THADA: variants seen among roughly 807,000 people sequenced by gnomAD.
THADA encodes the protein THADA armadillo repeat containing.
In THADA, 213 loss-of-function variants were observed where a neutral mutation model predicts 219.8. The ratio of observed to expected loss-of-function variants is 0.97; its 90% CI spans 0.87 to 1.09. THADA has a LOEUF of 1.09. THADA is among the 50% of genes least tolerant of loss of function. The pLI is 0.00. For missense variants in THADA, 2,956 were observed against 2,311.3 expected (o/e 1.28, Z -5.72); for synonymous variants, 1,018 against 828.9 (o/e 1.23, Z -3.92).
chr2:43,237,950 C>T (rs1276495998), intron 36 of THADA, among the ~76,000 whole-genome samples: 5 of 150,040 alleles, frequency 3.3e-5, no homozygotes, highest in African/African-American at 9.8e-5. Flanking sequence ...GAAACCCTGT[C>T]TCTACTAAAA....
chr2:43,309,874 G>A lies in THADA; in HGVS notation c.4438+10572C>T, dbSNP rs151076434. On this transcript the variant is annotated intron_variant, in intron 31 of 37. Coordinates refer to ENST00000405975, the MANE Select transcript of THADA (RefSeq NM_022065.5). ...ATAAGTTTGTTCAGTAATGTTGCAG[G>A]ATAAAAGATCAATATACAAATATCA... 5.2e-3 allele frequency among the ~76,000 whole-genome samples: 795 copies of A among 152,222 alleles called. 6 individuals are homozygous for A. The highest frequency in any genetic ancestry group is 0.016 in the African/African-American group (667 of 41,528).
At chr2:43,551,576 C>T (rs1417987159) in intron 19 of THADA, among the ~76,000 whole-genome samples, 3 of 146,944 alleles carry the variant, frequency 2.0e-5, no homozygotes, top group African/African-American at 5.2e-5. Flanking sequence ...CGTGCTCATC[C>T]TCTGGTTTGG....
chr2:43,526,451 C>T (rs945368059), intron 22 of THADA, among the ~76,000 whole-genome samples: 2 of 152,202 alleles, frequency 1.3e-5, no homozygotes, highest in African/African-American at 4.8e-5. Context: ...AGCCTCTGAA[C>T]ATTTACTCAC....
chr2:43,316,902 G>C (rs900138394), intron 31 of THADA, among the ~76,000 whole-genome samples: 3 of 152,212 alleles, frequency 2.0e-5, no homozygotes, highest in Non-Finnish European at 4.4e-5. Flanking sequence ...ACTCCAGCTT[G>C]TGCAACAAGA....
At chr2:43,538,433 G>T (rs887485732) in intron 21 of THADA, 5 of 152,180 alleles carry the variant, frequency 3.3e-5, no homozygotes, top group African/African-American at 1.2e-4. Context: ...ACATGCCTCT[G>T]AATGAACACA....
intron 30 of THADA, among the ~76,000 whole-genome samples, chr2:43,326,190 G>A (rs1679313832): frequency 6.8e-6 from 1 of 148,118 alleles, no homozygotes; most frequent in Non-Finnish European, 1.5e-5. Flanking sequence ...AAAAACACTT[G>A]AAAGCCACTA....
chr2:43,557,393 T>C (rs969988371), intron 16 of THADA, among the ~76,000 whole-genome samples: 8 of 152,232 alleles, frequency 5.3e-5, no homozygotes, highest in Non-Finnish European at 1.2e-4. Context: ...ATGTTTCACC[T>C]GGGCATCATA....
chr2:43,402,524 C>T (rs942616899), intron 28 of THADA, among the ~76,000 whole-genome samples: 1 of 152,236 alleles, frequency 6.6e-6, no homozygotes, highest in Non-Finnish European at 1.5e-5. Context: ...AAGTGTTCTC[C>T]TCTCATATCT....
At chr2:43,387,804 C>T (rs1156243682) in intron 29 of THADA, among the ~76,000 whole-genome samples, 2 of 152,180 alleles carry the variant, frequency 1.3e-5, no homozygotes, top group African/African-American at 4.8e-5. Context: ...AGTGCCGAGG[C>T]TGAGAAGCCC....
intron 29 of THADA, among the ~76,000 whole-genome samples, chr2:43,369,797 T>C (rs1017536916): frequency 7.9e-5 from 12 of 152,220 alleles, no homozygotes; most frequent in African/African-American, 2.9e-4. Context: ...TGAAGACATA[T>C]AGCCAAATGA....
chr2:43,248,252 CGGA>C (rs1669463716), intron 36 of THADA, among the ~76,000 whole-genome samples: 1 of 121,158 alleles, frequency 8.3e-6, no homozygotes, highest in Non-Finnish European at 1.8e-5. Flanking sequence ...GAGAGAGAGA[CGGA>C]GTCTCGCTCT....
At chr2:43,422,102 C>T (rs955650253) in intron 28 of THADA, among the ~76,000 whole-genome samples, 4 of 152,196 alleles carry the variant, frequency 2.6e-5, no homozygotes, top group Admixed American at 2.6e-4. Context: ...AACATGTGAT[C>T]AGTTTTCCTT....
intron 28 of THADA, among the ~76,000 whole-genome samples, chr2:43,421,274 T>C (rs940086833): frequency 3.3e-5 from 5 of 152,162 alleles, no homozygotes; most frequent in Admixed American, 1.3e-4. Context: ...AATTATGGGA[T>C]AGCAGAACCC....
intron 29 of THADA, among the ~76,000 whole-genome samples, chr2:43,368,908 A>G (rs1288721128): frequency 6.6e-6 from 1 of 152,146 alleles, no homozygotes; most frequent in South Asian, 2.1e-4. Flanking sequence ...CACTGTCTAT[A>G]GCAATGACAC....
At chr2:43,270,235 T>C (rs951062930) in intron 36 of THADA, among the ~76,000 whole-genome samples, 1 of 152,184 alleles carries the variant, frequency 6.6e-6, no homozygotes, top group Non-Finnish European at 1.5e-5. Context: ...TTTACCTTTC[T>C]TGGGCTTCAG....
chr2:43,249,318 G>C (rs1669578379), intron 36 of THADA, among the ~76,000 whole-genome samples: 1 of 152,142 alleles, frequency 6.6e-6, no homozygotes, highest in South Asian at 2.1e-4. Context: ...GAACTCCTGG[G>C]CTCAAGCATT....
At chr2:43,566,894 C>T in intron 14 of THADA, 73 bp from the exon 15 acceptor site, 4 of 1,033,336 alleles carry the variant, frequency 3.9e-6, no homozygotes. Flanking sequence ...ATTAAACACC[C>T]TTTAAGAGTG....
At chr2:43,447,320 T>G (rs1681708283) in intron 26 of THADA, among the ~76,000 whole-genome samples, 1 of 152,118 alleles carries the variant, frequency 6.6e-6, no homozygotes, top group African/African-American at 2.4e-5. Context: ...ATATCTATAT[T>G]ACTCCAATCT....
At chr2:43,541,425 C>G in intron 20 of THADA, 109 bp from the exon 21 acceptor site, 1 of 1,236,568 alleles carries the variant, frequency 8.1e-7, no homozygotes, top group Non-Finnish European at 1.2e-6. Flanking sequence ...TGAACAAACC[C>G]GATTTGTCAT....
Sources: allele counts gnomAD v4.1 joint callset (sites outside exome capture counted in the v4.1 genomes callset), GRCh38; gene constraint gnomAD v4.1.1; transcripts MANE v1.5; gene names NCBI Gene and HGNC (gene_info 2026-07-23, HGNC 2026-07-21).